The following HELZ variants were observed in gnomAD, a reference collection of about 807,000 sequenced individuals.
HELZ encodes the protein helicase with zinc finger, also known as ATP-dependent RNA helicase with zinc finger domain.
A neutral mutation model predicts 218.2 loss-of-function variants in HELZ; 23 were observed. The ratio of observed to expected loss-of-function variants is 0.11; its 90% CI spans 0.08 to 0.15. HELZ has a LOEUF of 0.15. HELZ is among the 10% of genes least tolerant of loss of function. The pLI is 1.00. For synonymous variants in HELZ, 814 were observed against 829.4 expected, an observed-to-expected ratio of 0.98 and a Z score of 0.32; for missense variants, 1,813 against 2,353.7, an observed-to-expected ratio of 0.77 and a Z score of 4.75.
At chr17:67,199,850 C>T (rs1030484866) in intron 7 of HELZ, among the ~76,000 whole-genome samples, 6 of 152,144 alleles carry the variant, frequency 3.9e-5, no homozygotes, top group Non-Finnish European at 8.8e-5. Context: ...GTCTGAAGCG[C>T]CCTCCATCTC....
At position 67,076,686 on chromosome 17, in the gene HELZ, T is replaced by C. The variant is rs1008828459; in HGVS notation, c.*1566A>G. On this transcript the variant is annotated 3_prime_UTR_variant, in exon 33 of 33. Transcript: ENST00000358691. ...GCCAACATAAACTAAACTCCAATCA[T>C]AGAAGAAATGTCAGTAATTTTTCTT... 3.9e-5 allele frequency: 6 copies of C among 152,196 alleles called. No homozygotes were observed. Among genetic ancestry groups the C allele is most frequent in the Admixed American group, 6.5e-5 (1 of 15,280 alleles). The allele number at this position is 152,196 out of a possible 1,614,324, so 9.4% of individuals were successfully genotyped here.
intron 5 of HELZ, among the ~76,000 whole-genome samples, chr17:67,211,803 G>C (rs1287823687): frequency 6.6e-6 from 1 of 152,102 alleles, no homozygotes; most frequent in Non-Finnish European, 1.5e-5. Context: ...AGAGGTTGCA[G>C]TGAGCCAAGA....
At chr17:67,238,161 T>C (rs185708936) in intron 3 of HELZ, among the ~76,000 whole-genome samples, 103 of 150,936 alleles carry the variant, frequency 6.8e-4, no homozygotes, top group African/African-American at 2.4e-3. Flanking sequence ...CTGGCCAACA[T>C]AATGAAACCC....
chr17:67,086,635 T>A (rs867192387), intron 32 of HELZ, among the ~76,000 whole-genome samples, 194 bp downstream of exon 32: 1 of 80,006 alleles, frequency 1.2e-5, no homozygotes, highest in Non-Finnish European at 2.8e-5. Flanking sequence ...AATATAAATA[T>A]ATATATATAT....
intron 3 of HELZ, among the ~76,000 whole-genome samples, chr17:67,236,727 T>C (rs1225967388): frequency 1.3e-5 from 2 of 152,172 alleles, no homozygotes; most frequent in African/African-American, 2.4e-5. Context: ...AGAAAATCAA[T>C]TGTCTTAGGA....
chr17:67,108,816 G>T lies in HELZ; in HGVS notation c.4490-90C>A. On this transcript the variant is annotated intron_variant, in intron 29 of 32. Coordinates refer to ENST00000358691, the MANE Select transcript of HELZ (RefSeq NM_014877.4). This position sits in a 1 kb window ranked among gnomAD's most constrained non-coding sequence, Gnocchi z 4.1. ...TTTACTAACATATTTTCTCCACAAA[G>T]ACAAAGGACGTAGCTACAAATTTGG... The T allele has an allele frequency of 9.8e-7, 1 of 1,020,394 alleles. No individual in the cohort carries two copies. Among genetic ancestry groups the T allele is most frequent in the Non-Finnish European group, 1.4e-6 (1 of 710,498 alleles). The allele number at this position is 1,020,394 out of a possible 1,614,324, so 63.2% of individuals were successfully genotyped here.
In HELZ at chr17:67,075,264, T is replaced by A. The variant is rs2035987927; in HGVS notation, c.*2988A>T. 1.3e-5 allele frequency: 2 copies of A among 151,830 alleles called. No homozygotes were observed. The highest frequency in any genetic ancestry group is 4.2e-4 in the South Asian group (2 of 4,814). The allele number at this position is 151,830 out of a possible 1,614,324, so 9.4% of individuals were successfully genotyped here. On this transcript the variant is annotated 3_prime_UTR_variant, in exon 33 of 33. Coordinates refer to ENST00000358691, the MANE Select transcript of HELZ (RefSeq NM_014877.4). ...TGAAATTAAAAAGTGAAACAAATAT[T>A]CTGGCAAGAAAAAGAAAACTTCAGA...
At position 67,072,398 on chromosome 17, in the gene HELZ, C is replaced by T. The variant is rs1013169402; in HGVS notation, c.*5854G>A. On this transcript the variant is annotated 3_prime_UTR_variant, in exon 33 of 33. Transcript: ENST00000358691. ...GGATTATCTGTGGTTTTCGATGCTC[C>T]ATGTCACTGCCATCTTAGGACAGGG... 6.6e-6 allele frequency: 1 copy of T among 152,630 alleles called. No individual in the cohort carries two copies. Among genetic ancestry groups the T allele is most frequent in the Non-Finnish European group, 1.5e-5 (1 of 68,048 alleles). The allele number at this position is 152,630 out of a possible 1,614,324, so 9.5% of individuals were successfully genotyped here.
At chr17:67,186,061 T>G (rs1370474634) in intron 12 of HELZ, among the ~76,000 whole-genome samples, 1 of 152,144 alleles carries the variant, frequency 6.6e-6, no homozygotes, top group Non-Finnish European at 1.5e-5. Flanking sequence ...TGCCAACATC[T>G]GCAGGCACTG....
intron 12 of HELZ, among the ~76,000 whole-genome samples, chr17:67,187,253 A>C (rs1001474720): frequency 5.3e-5 from 8 of 152,232 alleles, no homozygotes; most frequent in Admixed American, 5.2e-4. Flanking sequence ...TACATACTAC[A>C]GAATAAAAAC....
In HELZ at chr17:67,200,854, T is replaced by C; in HGVS notation, c.429+275A>G. On this transcript the variant is annotated intron_variant, in intron 7 of 32. Transcript: ENST00000358691. The stretch of plus-strand genomic sequence containing the variant: ...TAAAATTTCCCAATCATCTTCCCAT[T>C]TGTTGTCCAGAGACAGCTAATAAGA... 3 of 355,634 alleles carry C rather than the reference T, an allele frequency of 8.4e-6. No individual in the cohort carries two copies. In the Admixed American group the frequency reaches 1.3e-4, roughly 15 times the overall value. 22.0% of individuals were successfully genotyped at this position (355,634 alleles called of 1,614,324 possible). A position where few individuals can be genotyped will look rare whatever the true frequency, so the allele number is the denominator to read the frequency against.
Position 67,073,174 on chromosome 17 carries a change from T to C in HELZ, c.*5078A>G, listed in dbSNP as rs1309166359. 2 of 152,460 alleles carry C rather than the reference T, an allele frequency of 1.3e-5. No homozygotes were observed. Among genetic ancestry groups the C allele is most frequent in the Non-Finnish European group, 2.9e-5 (2 of 68,044 alleles). The allele number at this position is 152,460 out of a possible 1,614,324, so 9.4% of individuals were successfully genotyped here. ...CTTTACTTCTCAAACATTAAAAAAG[T>C]ATTAATGAAAACACTTCATAAAATC... On this transcript the variant is annotated 3_prime_UTR_variant, in exon 33 of 33. Coordinates refer to ENST00000358691, the MANE Select transcript of HELZ (RefSeq NM_014877.4).
At chr17:67,190,086 C>T in intron 10 of HELZ, 71 bp downstream of exon 10, 1 of 1,275,292 alleles carries the variant, frequency 7.8e-7, no homozygotes, top group East Asian at 2.3e-5. Context: ...CAAAATAGAG[C>T]ACACAATAAA....
At chr17:67,191,926 G>A (rs971480497) in intron 9 of HELZ, among the ~76,000 whole-genome samples, 9 of 151,818 alleles carry the variant, frequency 5.9e-5, no homozygotes, top group East Asian at 3.9e-4. Flanking sequence ...TTAAATGGCC[G>A]GGCACAGTGG....
At chr17:67,166,920 G>C (rs1432979935) in intron 14 of HELZ, among the ~76,000 whole-genome samples, 2 of 152,032 alleles carry the variant, frequency 1.3e-5, no homozygotes, top group African/African-American at 4.8e-5. Flanking sequence ...CTAGTTAAAG[G>C]CTACTTTATT....
At position 67,227,472 on chromosome 17, in the gene HELZ, C is replaced by T. The variant is rs112574364; in HGVS notation, c.-18-8650G>A. 3.9e-3 allele frequency among the ~76,000 whole-genome samples: 594 copies of T among 152,252 alleles called. 5 individuals are homozygous for T. The highest frequency in any genetic ancestry group is 0.014 in the African/African-American group (564 of 41,544). On this transcript the variant is annotated intron_variant, in intron 3 of 32. Coordinates refer to ENST00000358691, the MANE Select transcript of HELZ (RefSeq NM_014877.4). ...AAAGTGCTGGGATTACAGGTGTGAG[C>T]CACCACACCCAACCGACATGATTTT...
At chr17:67,113,975 G>A (rs758417340) in intron 28 of HELZ, among the ~76,000 whole-genome samples, 5 of 152,206 alleles carry the variant, frequency 3.3e-5, no homozygotes, top group Admixed American at 6.5e-5. Flanking sequence ...AGGGACCTGA[G>A]TAAGTCTTCC....
rs986806683 is a variant in HELZ, at chr17:67,075,976, C to T, written c.*2276G>A. ...ATAAGGTGATGGGGTGCATACACGA[C>T]CCCATGACCCTTAACTAAATATAAA... On this transcript the variant is annotated 3_prime_UTR_variant, in exon 33 of 33. Transcript: ENST00000358691. 6.6e-6 allele frequency: 1 copy of T among 152,524 alleles called. No individual in the cohort carries two copies. Among genetic ancestry groups the T allele is most frequent in the Non-Finnish European group, 1.5e-5 (1 of 68,030 alleles). 9.4% of individuals were successfully genotyped at this position (152,524 alleles called of 1,614,324 possible). A position where few individuals can be genotyped will look rare whatever the true frequency, so the allele number is the denominator to read the frequency against.
At chr17:67,233,402 C>T (rs2041090252) in intron 3 of HELZ, among the ~76,000 whole-genome samples, 1 of 152,084 alleles carries the variant, frequency 6.6e-6, no homozygotes, top group Admixed American at 6.6e-5. Context: ...TCCTCACTCC[C>T]CAACATAACT....
Sources: allele counts gnomAD v4.1 joint callset (sites outside exome capture counted in the v4.1 genomes callset), GRCh38; gene constraint gnomAD v4.1.1; non-coding constraint Gnocchi (gnomAD v3.1); transcripts MANE v1.5; gene names NCBI Gene and HGNC (gene_info 2026-07-23, HGNC 2026-07-21).